The following ZNF224 variants were observed in gnomAD, a reference collection of about 807,000 sequenced individuals.
ZNF224 encodes bone marrow zinc finger 2.
ZNF224 carries 8 observed loss-of-function variants against 10.5 expected under a neutral mutation model. That is an observed-to-expected ratio of 0.76 (90% CI 0.45 to 1.37). ZNF224 has a LOEUF of 1.37. Among genes scored for constraint, ZNF224 ranks in the 40% most tolerant of loss-of-function variants. ZNF224 has a pLI of 0.00. For synonymous variants in ZNF224, 282 were observed against 287.8 expected (o/e 0.98, Z 0.20); for missense variants, 754 against 854.0 (o/e 0.88, Z 1.46).
chr19:44,103,938 G>T (rs913755146), intron 5 of ZNF224, among the ~76,000 whole-genome samples: 60 of 152,128 alleles, frequency 3.9e-4, no homozygotes, highest in African/African-American at 1.4e-3. Flanking sequence ...CAATCTGCCC[G>T]CCTTGGCCTC....
intron 3 of ZNF224, among the ~76,000 whole-genome samples, chr19:44,098,647 G>A (rs1230038084): frequency 6.6e-6 from 1 of 151,776 alleles, no homozygotes; most frequent in South Asian, 2.1e-4. Flanking sequence ...GCAATGGTGC[G>A]ATCTCGGCTC....
At position 44,107,991 on chromosome 19, in the gene ZNF224, C is replaced by T. The variant is rs374204313; in HGVS notation, c.1831C>T (p.Arg611Cys). 15 of 1,614,044 alleles carry T rather than the reference C, an allele frequency of 9.3e-6. No individual in the cohort carries two copies. The African/African-American group carries it at 9.3e-5, about 10-fold the overall frequency. The change falls in exon 6 of 6, where the codon CGT becomes TGT. Residue 611 changes from arginine to cysteine, a missense_variant. Physicochemically the swap from Arg to Cys is radical, Grantham distance 180. Coordinates refer to ENST00000693561, the MANE Select transcript of ZNF224 (RefSeq NM_001321645.3). ...GAAGGGCTTCAGCTGGTCCTCAACT[C>T]GTCTGACCCATCAGAGACGCCACAG... ...CGKGFSWSSTRLTHQRRHSRE... is the reference protein window; with the variant it reads ...CGKGFSWSSTCLTHQRRHSRE...
At position 44,107,444 on chromosome 19, in the gene ZNF224, C is replaced by G. The variant is rs1262068305; in HGVS notation, c.1284C>G (p.Tyr428Ter). The G allele has an allele frequency of 6.2e-7, 1 of 1,608,098 alleles. No individual in the cohort carries two copies. Among genetic ancestry groups the G allele is most frequent in the Non-Finnish European group, 8.5e-7 (1 of 1,177,786 alleles). ...GATCCCATAGTGGAGAAAAACCATACAAATGTGTGGAGTGTGGGAAGGGCT... is the reference window on the plus strand; with the variant it reads ...GATCCCATAGTGGAGAAAAACCATAGAAATGTGTGGAGTGTGGGAAGGGCT... Reference protein sequence around the residue: ...HQRSHSGEKPYKCVECGKGYK... With the variant: ...HQRSHSGEKP Residue 428 changes from tyrosine (Y) to a stop codon, truncating the protein, a stop_gained, in exon 6 of 6, where the codon TAC becomes TAG. Coordinates refer to ENST00000693561, the MANE Select transcript of ZNF224 (RefSeq NM_001321645.3). LOFTEE classifies it low-confidence loss of function (END_TRUNC).
At chr19:44,102,487 A>G (rs868102313) in intron 5 of ZNF224, among the ~76,000 whole-genome samples, 1 of 152,210 alleles carries the variant, frequency 6.6e-6, no homozygotes, top group African/African-American at 2.4e-5. Context: ...GGGTGACTTC[A>G]CTGTCTCCTG....
At chr19:44,101,639 T>C (rs1967551193) in intron 5 of ZNF224, among the ~76,000 whole-genome samples, 1 of 152,222 alleles carries the variant, frequency 6.6e-6, no homozygotes, top group African/African-American at 2.4e-5. Flanking sequence ...CCAAGGGCAC[T>C]GTGTTGCCTT....
intron 5 of ZNF224, 108 bp downstream of exon 5, chr19:44,101,333 AT>A: frequency 8.8e-7 from 1 of 1,138,734 alleles, no homozygotes; most frequent in Non-Finnish European, 1.2e-6. Context: ...TCTTTCTTGG[AT>A]TATTGACAAC....
intron 3 of ZNF224, among the ~76,000 whole-genome samples, chr19:44,099,605 C>A (rs553607187): frequency 5.2e-4 from 79 of 152,150 alleles, no homozygotes; most frequent in African/African-American, 1.8e-3. Flanking sequence ...ATAATCCTGG[C>A]ACTTTAGGAG....
At position 44,097,832 on chromosome 19, in the gene ZNF224, C is replaced by T. The variant is rs774092494; in HGVS notation, c.-42C>T. ...CACAATTCTGCTTTCCCAGGAACTG[C>T]ATCACTCAGGACTCTGCAAGTTTCC... is the stretch of plus-strand genomic sequence containing the variant. On this transcript the variant is annotated 5_prime_UTR_variant, in exon 3 of 6. Coordinates refer to ENST00000693561, the MANE Select transcript of ZNF224 (RefSeq NM_001321645.3). 9.9e-6 allele frequency: 16 copies of T among 1,611,590 alleles called. No individual in the cohort carries two copies. The East Asian group carries it at 3.1e-4, about 31-fold the overall frequency.
In ZNF224 at chr19:44,094,393, G is replaced by A. The variant is rs1341227010; in HGVS notation, c.-295G>A. The A allele has an allele frequency of 6.6e-6, 1 of 152,236 alleles. No individual in the cohort carries two copies. Among genetic ancestry groups the A allele is most frequent in the Admixed American group, 6.5e-5 (1 of 15,274 alleles). 9.4% of individuals were successfully genotyped at this position (152,236 alleles called of 1,614,324 possible). ...CGGACACTTCCGCTCGGGGACTGAG[G>A]TTGCTGCAGTTTTTCCGCGATAGTT... On this transcript the variant is annotated 5_prime_UTR_variant, in exon 1 of 6. Transcript: ENST00000693561.
intron 5 of ZNF224, among the ~76,000 whole-genome samples, chr19:44,102,535 C>T (rs1011912393): frequency 2.0e-5 from 3 of 152,164 alleles, no homozygotes; most frequent in East Asian, 3.9e-4. Context: ...ACACAAACTA[C>T]GGTGAAAGAG....
chr19:44,106,562 T>C lies in ZNF224; in HGVS notation c.402T>C (p.Thr134=). Residue 134 remains threonine, a synonymous_variant, in exon 6 of 6, where the codon ACT becomes ACC. Coordinates refer to ENST00000693561, the MANE Select transcript of ZNF224 (RefSeq NM_001321645.3). ...FSKEGDFPCQ[T]EAGLSVIHTR... is the part of the protein sequence containing the mutation. ...AAGAAGGTGATTTCCCCTGCCAGACTGAGGCAGGACTATCTGTAATTCACA... is the reference window on the plus strand; with the variant it reads ...AAGAAGGTGATTTCCCCTGCCAGACCGAGGCAGGACTATCTGTAATTCACA... The C allele has an allele frequency of 6.2e-7, 1 of 1,614,038 alleles. No individual in the cohort carries two copies.
chr19:44,097,838 T>C lies in ZNF224; in HGVS notation c.-36T>C. 2.5e-6 allele frequency: 4 copies of C among 1,613,784 alleles called. No individual in the cohort carries two copies. Among genetic ancestry groups the C allele is most frequent in the Admixed American group, 1.7e-5 (1 of 59,964 alleles). On this transcript the variant is annotated 5_prime_UTR_variant, in exon 3 of 6. Coordinates refer to ENST00000693561, the MANE Select transcript of ZNF224 (RefSeq NM_001321645.3). ...TCTGCTTTCCCAGGAACTGCATCAC[T>C]CAGGACTCTGCAAGTTTCCAGAAGT...
intron 5 of ZNF224, among the ~76,000 whole-genome samples, chr19:44,101,515 C>A (rs1051800182): frequency 6.6e-6 from 1 of 152,250 alleles, no homozygotes; most frequent in East Asian, 1.9e-4. Flanking sequence ...TTTAGAGACC[C>A]TGTGATCTGC....
Position 44,103,190 on chromosome 19 carries a change from C to T in ZNF224, c.235+1965C>T, listed in dbSNP as rs151271256. On this transcript the variant is annotated intron_variant, in intron 5 of 5. Coordinates refer to ENST00000693561, the MANE Select transcript of ZNF224 (RefSeq NM_001321645.3). ...ACTTGGAAGGAATCAGGAAACTGCC[C>T]TCTCAAAATACTGACATCCTGAAAG... Among the ~76,000 whole-genome samples, 104 of 152,236 alleles carry T rather than the reference C, an allele frequency of 6.8e-4. 1 individual carries two copies. The East Asian group carries it at 0.013, about 19-fold the overall frequency.
chr19:44,103,590 TA>T (rs1264640893), intron 5 of ZNF224, among the ~76,000 whole-genome samples: 1 of 152,240 alleles, frequency 6.6e-6, no homozygotes, highest in African/African-American at 2.4e-5. Flanking sequence ...TAGAAGGTTT[TA>T]AATTTATTTT....
Position 44,106,572 on chromosome 19 carries a change from C to G in ZNF224, c.412C>G (p.Leu138Val). The part of the protein sequence containing the change: ...GDFPCQTEAG[L>V]SVIHTRQKSS... ...TTTCCCCTGCCAGACTGAGGCAGGA[C>G]TATCTGTAATTCACACAAGACAGAA... Residue 138 changes from leucine (L) to valine (V), a missense_variant, in exon 6 of 6, where the codon CTA becomes GTA. By Grantham distance (32) the Leu-to-Val change is conservative. Coordinates refer to ENST00000693561, the MANE Select transcript of ZNF224 (RefSeq NM_001321645.3). The G allele has an allele frequency of 1.2e-6, 2 of 1,613,330 alleles. No individual in the cohort carries two copies. The highest frequency in any genetic ancestry group is 1.7e-5 in the Admixed American group (1 of 59,952).
At chr19:44,102,264 C>T (rs1339933572) in intron 5 of ZNF224, among the ~76,000 whole-genome samples, 1 of 152,212 alleles carries the variant, frequency 6.6e-6, no homozygotes, top group Admixed American at 6.5e-5. Context: ...CCATCCTAAA[C>T]CACTCTCTTT....
intron 3 of ZNF224, among the ~76,000 whole-genome samples, chr19:44,099,731 T>C (rs1967510314): frequency 1.3e-5 from 2 of 152,030 alleles, no homozygotes; most frequent in South Asian, 2.1e-4. Flanking sequence ...CCTAATCAGA[T>C]TACCAAAGTA....
In ZNF224 at chr19:44,101,156, A is replaced by G. The variant is rs1273604558; in HGVS notation, c.166A>G (p.Thr56Ala). The change falls in exon 5 of 6, where the codon ACT becomes GCT. Residue 56 changes from threonine (T) to alanine (A), a missense_variant. Coordinates refer to ENST00000693561, the MANE Select transcript of ZNF224 (RefSeq NM_001321645.3). Reference sequence around the variant, plus strand: ...AGGACATCAAGCATTCCACAGGGATACTTTCCACTTCCTAAGGGAAGAAAA... The same window carrying G: ...AGGACATCAAGCATTCCACAGGGATGCTTTCCACTTCCTAAGGGAAGAAAA... Reference protein sequence around the residue: ...SVGHQAFHRDTFHFLREEKIW... With the variant: ...SVGHQAFHRDAFHFLREEKIW... The G allele has an allele frequency of 1.9e-6, 3 of 1,614,166 alleles. No homozygotes were observed. Among genetic ancestry groups the G allele is most frequent in the East Asian group, 4.5e-5 (2 of 44,888 alleles).
Sources: gnomAD v4.1 joint callset for allele counts (sites outside exome capture counted in the v4.1 genomes callset) on GRCh38, gnomAD v4.1.1 for gene constraint, MANE v1.5 for transcripts, NCBI Gene and HGNC (gene_info 2026-07-23, HGNC 2026-07-21) for gene names.